ITPK1: variants seen among roughly 807,000 people sequenced by gnomAD.
ITPK1 encodes inositol-tetrakisphosphate 1-kinase.
A neutral mutation model predicts 45.3 loss-of-function variants in ITPK1; 21 were observed. The observed-to-expected ratio is 0.46, with a 90% CI of 0.33 to 0.67. The LOEUF (loss-of-function observed/expected upper bound fraction) is 0.67, where lower values mean the gene tolerates loss of function less well. Ranked by LOEUF, ITPK1 falls within the 30% of genes least tolerant of loss-of-function variation. The probability of loss-of-function intolerance (pLI) is 0.02; values close to 1 mark genes in which losing one functional copy is unlikely to be tolerated. For synonymous variants in ITPK1, 258 were observed against 253.6 expected (o/e 1.02, Z -0.16); for missense variants, 474 against 573.5 (o/e 0.83, Z 1.77).
intron 2 of ITPK1, among the ~76,000 whole-genome samples, chr14:93,085,358 C>A (rs376569506): frequency 7.2e-5 from 11 of 152,156 alleles, no homozygotes; most frequent in African/African-American, 2.7e-4. Context: ...AAGACCCTCC[C>A]CCCGACCGGG....
Position 93,023,791 on chromosome 14 carries a change from G to A in ITPK1, c.121-6990C>T, listed in dbSNP as rs1053292028. Among the ~76,000 whole-genome samples the A allele has an allele frequency of 3.3e-5, 5 of 152,184 alleles. No homozygotes were observed. The South Asian group carries it at 8.3e-4, about 25-fold the overall frequency. Reference sequence around the variant, plus strand: ...GAGCCCTTAGGAGCAAAAGGCAGGAGCCTTGATAGAGCCACATCACGACGT... The same window carrying A: ...GAGCCCTTAGGAGCAAAAGGCAGGAACCTTGATAGAGCCACATCACGACGT... On this transcript the variant is annotated intron_variant, in intron 3 of 10. Coordinates refer to ENST00000267615, the MANE Select transcript of ITPK1 (RefSeq NM_014216.6).
intron 5 of ITPK1, among the ~76,000 whole-genome samples, chr14:92,979,923 G>A (rs1886138657): frequency 6.6e-6 from 1 of 151,784 alleles, no homozygotes; most frequent in African/African-American, 2.4e-5. Context: ...TGTGATTACA[G>A]GCGCACATCA....
chr14:93,066,328 GTGTGTGTGTGTGTA>G, intron 3 of ITPK1: 1 of 449,810 alleles, frequency 2.2e-6, no homozygotes, highest in Non-Finnish European at 4.5e-6. Context: ...GTATGTGTGT[GTGTGTGTGTGTGTA>G]GGGGGCAGAG....
intron 2 of ITPK1, among the ~76,000 whole-genome samples, chr14:93,087,645 G>C (rs374887336): frequency 2.0e-5 from 3 of 152,184 alleles, no homozygotes; most frequent in East Asian, 3.9e-4. Flanking sequence ...GAGTGGCAGG[G>C]GCCTTACTTT....
At chr14:92,989,477 AGGTGCCTTCTCATACAT>A (rs1229355080) in intron 5 of ITPK1, among the ~76,000 whole-genome samples, 1 of 152,188 alleles carries the variant, frequency 6.6e-6, no homozygotes, top group South Asian at 2.1e-4. Flanking sequence ...ATTACGGCCC[AGGTGCCTTCTCATACAT>A]GGTGCCTTCT....
chr14:92,974,814 A>G (rs541710702), intron 5 of ITPK1, among the ~76,000 whole-genome samples: 1 of 152,378 alleles, frequency 6.6e-6, no homozygotes, highest in African/African-American at 2.4e-5. Flanking sequence ...AGTCTTCCCC[A>G]GCAGGACTGG....
chr14:93,091,320 C>T (rs1157743594), intron 2 of ITPK1, among the ~76,000 whole-genome samples: 1 of 152,194 alleles, frequency 6.6e-6, no homozygotes, highest in African/African-American at 2.4e-5. Flanking sequence ...CCAACAACGG[C>T]GCCAGGGCCA....
intron 5 of ITPK1, among the ~76,000 whole-genome samples, chr14:92,982,381 T>C (rs1346742185): frequency 1.3e-5 from 2 of 152,018 alleles, no homozygotes; most frequent in African/African-American, 4.8e-5. Flanking sequence ...AGCTGGAGAT[T>C]CAAAGCACAA....
rs566347694 is a variant in ITPK1 at position 93,108,081 on chromosome 14, G to A, written c.95+6988C>T. Among the ~76,000 whole-genome samples, 7 of 152,256 alleles carry A rather than the reference G, an allele frequency of 4.6e-5. No homozygotes were observed. In the East Asian group the frequency reaches 7.7e-4, roughly 17 times the overall value. ...ACTGTGTGACCATGGGCCAGTTCTC[G>A]GGAGTCCCACACCCTCTCCAGAGCA... On this transcript the variant is annotated intron_variant, in intron 2 of 10. Coordinates refer to ENST00000267615, the MANE Select transcript of ITPK1 (RefSeq NM_014216.6).
chr14:92,985,552 C>T (rs1886449043), intron 5 of ITPK1, among the ~76,000 whole-genome samples: 1 of 151,248 alleles, frequency 6.6e-6, no homozygotes, highest in South Asian at 2.1e-4. Context: ...TTTTAAAAGC[C>T]CGCTTGTGTT....
intron 3 of ITPK1, among the ~76,000 whole-genome samples, chr14:93,052,596 G>A (rs939330878): frequency 5.9e-5 from 9 of 152,206 alleles, no homozygotes; most frequent in African/African-American, 2.2e-4. Flanking sequence ...AGATCCTTCA[G>A]TGGGGCCAGA....
intron 3 of ITPK1, among the ~76,000 whole-genome samples, chr14:93,023,100 G>C (rs891068848): frequency 3.3e-5 from 5 of 152,144 alleles, no homozygotes; most frequent in African/African-American, 1.2e-4. Context: ...GGCTGGTCTT[G>C]AACTCCTGAT....
chr14:93,113,199 GACA>G (rs561157130), intron 2 of ITPK1, among the ~76,000 whole-genome samples: 24 of 152,114 alleles, frequency 1.6e-4, no homozygotes, highest in Non-Finnish European at 3.1e-4. Flanking sequence ...AGACTTTGAA[GACA>G]ACAACTCTTT....
chr14:93,109,479 G>A (rs979960890), intron 2 of ITPK1, among the ~76,000 whole-genome samples: 1 of 152,134 alleles, frequency 6.6e-6, no homozygotes, highest in Non-Finnish European at 1.5e-5. Context: ...TATTCAAAAA[G>A]ATACAGAAAA....
intron 2 of ITPK1, among the ~76,000 whole-genome samples, chr14:93,081,450 T>C (rs1382460474): frequency 1.3e-5 from 2 of 152,206 alleles, no homozygotes; most frequent in South Asian, 2.1e-4. Context: ...ATTAATAAAA[T>C]AGGAATAGCT....
chr14:93,112,092 C>T (rs1892778607), intron 2 of ITPK1, among the ~76,000 whole-genome samples: 1 of 152,030 alleles, frequency 6.6e-6, no homozygotes, highest in Non-Finnish European at 1.5e-5. Context: ...AGGGGCTCAG[C>T]TTTGCAAGGA....
intron 2 of ITPK1, among the ~76,000 whole-genome samples, chr14:93,089,187 G>A (rs1891772428): frequency 6.6e-6 from 1 of 152,176 alleles, no homozygotes; most frequent in South Asian, 2.1e-4. Context: ...GGGGCCCCAA[G>A]ACCTGAGGAG....
intron 2 of ITPK1, among the ~76,000 whole-genome samples, chr14:93,098,409 A>C (rs1388107892): frequency 3.3e-5 from 5 of 151,318 alleles, no homozygotes; most frequent in African/African-American, 4.9e-5. Flanking sequence ...GTGAGCCGAG[A>C]TCACGCTGCC....
chr14:93,064,162 A>G (rs1372195781), intron 3 of ITPK1, among the ~76,000 whole-genome samples: 3 of 152,210 alleles, frequency 2.0e-5, no homozygotes, highest in Non-Finnish European at 4.4e-5. Flanking sequence ...GGGCACCTGT[A>G]GTCCCAGCTA....
Sources: gnomAD v4.1 joint callset for allele counts (sites outside exome capture counted in the v4.1 genomes callset) on GRCh38, gnomAD v4.1.1 for gene constraint, MANE v1.5 for transcripts, NCBI Gene and HGNC (gene_info 2026-07-23, HGNC 2026-07-21) for gene names.